The following GRIA1 variants were observed in gnomAD, a reference collection of about 807,000 sequenced individuals.
GRIA1 encodes glutamate receptor 1.
In GRIA1, 31 loss-of-function variants were observed where a neutral mutation model predicts 99.2. The observed-to-expected ratio is 0.31, with a 90% CI of 0.23 to 0.42. The LOEUF (loss-of-function observed/expected upper bound fraction) is 0.42. Ranked by LOEUF, GRIA1 falls within the 10% of genes least tolerant of loss-of-function variation. The probability of loss-of-function intolerance (pLI) is 1.00; values close to 1 mark genes in which losing one functional copy is unlikely to be tolerated. For synonymous variants in GRIA1, 438 were observed against 432.4 expected, an observed-to-expected ratio of 1.01 and a Z score of -0.16; for missense variants, 782 against 1,157.5, an observed-to-expected ratio of 0.68 and a Z score of 4.71.
chr5:153,653,047 G>A (rs1244844658), intron 4 of GRIA1, among the ~76,000 whole-genome samples: 7 of 152,102 alleles, frequency 4.6e-5, no homozygotes, highest in African/African-American at 9.7e-5. Context: ...TCTGTCTCCA[G>A]CCCCCACCCA....
chr5:153,595,430 G>A (rs982612517), intron 2 of GRIA1, among the ~76,000 whole-genome samples: 7 of 152,032 alleles, frequency 4.6e-5, no homozygotes, highest in Non-Finnish European at 1.5e-5. Flanking sequence ...CTAAATACTT[G>A]TTTAGCTAGC....
chr5:153,797,186 C>G (rs1765704122), intron 14 of GRIA1, among the ~76,000 whole-genome samples: 1 of 152,224 alleles, frequency 6.6e-6, no homozygotes, highest in Admixed American at 6.5e-5. Context: ...TGTTCCTGCT[C>G]AGGGTCAGGT....
At chr5:153,722,454 T>C (rs1444926647) in intron 11 of GRIA1, among the ~76,000 whole-genome samples, 1 of 152,248 alleles carries the variant, frequency 6.6e-6, no homozygotes, top group Admixed American at 6.5e-5. Flanking sequence ...CTTTACCTTT[T>C]ACTTTTAGAT....
At chr5:153,668,880 T>C (rs10078701) in intron 5 of GRIA1, among the ~76,000 whole-genome samples, 3,899 of 152,326 alleles carry the variant, frequency 0.026, 189 homozygotes, top group African/African-American at 0.089. Context: ...CAGTCTGAGG[T>C]TCATTGTCCC....
At chr5:153,687,646 C>T (rs1757433185) in intron 8 of GRIA1, among the ~76,000 whole-genome samples, 1 of 152,216 alleles carries the variant, frequency 6.6e-6, no homozygotes, top group African/African-American at 2.4e-5. Context: ...CCACATGTGG[C>T]TAGTGGCTAC....
intron 10 of GRIA1, among the ~76,000 whole-genome samples, chr5:153,699,594 T>C (rs1299818481): frequency 1.3e-5 from 2 of 152,172 alleles, no homozygotes; most frequent in Non-Finnish European, 2.9e-5. Context: ...CAAATAATAC[T>C]TTTTTCAGGG....
chr5:153,807,916 T>A (rs570531981), intron 15 of GRIA1, among the ~76,000 whole-genome samples: 1 of 152,344 alleles, frequency 6.6e-6, no homozygotes, highest in South Asian at 2.1e-4. Context: ...TATATACGGC[T>A]GTGCTAACAT....
At chr5:153,779,126 G>T (rs1381119) in intron 13 of GRIA1, among the ~76,000 whole-genome samples, 29,777 of 152,136 alleles carry the variant, frequency 0.2, 3,119 homozygotes, top group Middle Eastern at 0.31. Context: ...TTATACCAAT[G>T]ATGTGCTGGG....
At chr5:153,536,682 G>A (rs922123966) in intron 2 of GRIA1, among the ~76,000 whole-genome samples, 1 of 152,206 alleles carries the variant, frequency 6.6e-6, no homozygotes, top group Admixed American at 6.5e-5. Context: ...TAACATGATG[G>A]TGGAGAAAAA....
intron 2 of GRIA1, among the ~76,000 whole-genome samples, chr5:153,571,339 A>AT (rs1762101535): frequency 6.6e-6 from 1 of 151,886 alleles, no homozygotes; most frequent in Non-Finnish European, 1.5e-5. Context: ...GGAGTGGGGA[A>AT]TTTTTTTTCT....
intron 11 of GRIA1, among the ~76,000 whole-genome samples, chr5:153,734,994 G>A (rs551802150): frequency 6.6e-6 from 1 of 152,168 alleles, no homozygotes; most frequent in East Asian, 1.9e-4. Context: ...AGACATTTTT[G>A]GATGCCACAA....
intron 2 of GRIA1, among the ~76,000 whole-genome samples, chr5:153,617,929 C>G (rs927097203): frequency 1.3e-5 from 2 of 152,182 alleles, no homozygotes; most frequent in African/African-American, 4.8e-5. Flanking sequence ...TTGGGCTTCT[C>G]TGATTTGGCT....
chr5:153,540,389 CAT>C (rs1240330081), intron 2 of GRIA1, among the ~76,000 whole-genome samples: 3 of 152,196 alleles, frequency 2.0e-5, no homozygotes, highest in Non-Finnish European at 2.9e-5. Context: ...GAGTCTATGA[CAT>C]GTGTGTCTTT....
chr5:153,781,840 G>A (rs1214510172), intron 13 of GRIA1, among the ~76,000 whole-genome samples: 1 of 152,108 alleles, frequency 6.6e-6, no homozygotes, highest in East Asian at 1.9e-4. Context: ...AAAATGCCAA[G>A]TCAGTACTCT....
At position 153,770,317 on chromosome 5, in the gene GRIA1, G is replaced by A. The variant is rs1307553521; in HGVS notation, c.2172G>A (p.Glu724=). The change falls in exon 13 of 16, where the codon GAG becomes GAA. Residue 724 remains glutamate (E), a synonymous_variant. Transcript: ENST00000285900. ...YAYLLESTMN[E]YIEQRKPCDT... ...ACCTCCTGGAGTCCACCATGAATGA[G>A]TACATTGAGCAGCGGAAACCCTGTG... 5.0e-6 allele frequency: 8 copies of A among 1,613,926 alleles called. No individual in the cohort carries two copies. Among genetic ancestry groups the A allele is most frequent in the East Asian group, 2.2e-5 (1 of 44,880 alleles).
intron 2 of GRIA1, among the ~76,000 whole-genome samples, chr5:153,530,676 G>T (rs1205432911): frequency 6.6e-6 from 1 of 152,216 alleles, no homozygotes; most frequent in Non-Finnish European, 1.5e-5. Flanking sequence ...CTGGGTGTTT[G>T]CATTCAGACA....
Position 153,811,229 on chromosome 5 carries a change from G to T in GRIA1, c.*4G>T, listed in dbSNP as rs780411242. ...CTTGGGAGCCACGGGATTGTAACTG[G>T]AGCAGATGGAGACCCCTTGGGGAGC... On this transcript the variant is annotated 3_prime_UTR_variant, in exon 16 of 16. Transcript: ENST00000285900. 2.5e-6 allele frequency: 4 copies of T among 1,611,250 alleles called. No individual in the cohort carries two copies. In the South Asian group the frequency reaches 4.4e-5, roughly 18 times the overall value.
intron 11 of GRIA1, among the ~76,000 whole-genome samples, chr5:153,729,110 C>A (rs1760808772): frequency 6.6e-6 from 1 of 150,508 alleles, no homozygotes; most frequent in South Asian, 2.2e-4. Flanking sequence ...TGGAAATCAT[C>A]ATTCTCAGTA....
intron 2 of GRIA1, among the ~76,000 whole-genome samples, chr5:153,633,590 A>G (rs1262867231): frequency 1.3e-5 from 2 of 152,230 alleles, no homozygotes; most frequent in Non-Finnish European, 2.9e-5. Context: ...GCTGGGCAGC[A>G]TGTGCTCTTG....
Sources: allele counts gnomAD v4.1 joint callset (sites outside exome capture counted in the v4.1 genomes callset), GRCh38; gene constraint gnomAD v4.1.1; transcripts MANE v1.5; gene names NCBI Gene and HGNC (gene_info 2026-07-23, HGNC 2026-07-21).